Variants in NTRK3 observed in about 807,000 individuals in gnomAD.
NTRK3 encodes the protein neurotrophic receptor tyrosine kinase 3, also known as NT-3 growth factor receptor.
NTRK3 carries 24 observed loss-of-function variants against 91.7 expected under a neutral mutation model. The ratio of observed to expected loss-of-function variants is 0.26; its 90% CI spans 0.19 to 0.37. NTRK3 has a LOEUF of 0.37. Ranked by LOEUF, NTRK3 falls within the 10% of genes least tolerant of loss-of-function variation. The pLI, the probability that NTRK3 is intolerant of heterozygous loss-of-function variation, is 1.00. For synonymous variants in NTRK3, 483 were observed against 404.0 expected (o/e 1.20, Z -2.34); for missense variants, 880 against 1,068.9 (o/e 0.82, Z 2.46).
intron 17 of NTRK3, among the ~76,000 whole-genome samples, chr15:87,911,256 C>T (rs2067073538): frequency 6.6e-6 from 1 of 152,130 alleles, no homozygotes; most frequent in South Asian, 2.1e-4. Flanking sequence ...TTGATAGCAT[C>T]ATGAAAATAT....
At chr15:87,979,554 T>A (rs1596499746) in intron 14 of NTRK3, 1 of 826,202 alleles carries the variant, frequency 1.2e-6, no homozygotes. Flanking sequence ...GGAGGGGAAA[T>A]AGAGAGGGAG....
At chr15:88,096,562 C>T (rs1262869175) in intron 13 of NTRK3, among the ~76,000 whole-genome samples, 2 of 152,204 alleles carry the variant, frequency 1.3e-5, no homozygotes, top group African/African-American at 4.8e-5. Flanking sequence ...CATCCTTTTT[C>T]TTTGCCTAAG....
intron 16 of NTRK3, among the ~76,000 whole-genome samples, chr15:87,932,097 A>G (rs1257778866): frequency 6.6e-6 from 1 of 152,224 alleles, no homozygotes; most frequent in African/African-American, 2.4e-5. Flanking sequence ...TAACTCTGCA[A>G]TAGATGCTGT....
chr15:88,008,556 T>C (rs2076650398), intron 14 of NTRK3, among the ~76,000 whole-genome samples: 1 of 152,102 alleles, frequency 6.6e-6, no homozygotes. Flanking sequence ...TGCAGATTCC[T>C]GAGGACACAT....
intron 10 of NTRK3, among the ~76,000 whole-genome samples, chr15:88,133,736 C>T (rs774723089): frequency 2.6e-5 from 4 of 152,122 alleles, no homozygotes; most frequent in Non-Finnish European, 5.9e-5. Flanking sequence ...CACAGTGTGA[C>T]CCAGGAGGGG....
chr15:87,982,031 C>A (rs1027622060), intron 14 of NTRK3, among the ~76,000 whole-genome samples: 5 of 152,132 alleles, frequency 3.3e-5, no homozygotes, highest in Non-Finnish European at 7.4e-5. Flanking sequence ...GGAGACCATG[C>A]AGCATTTGTG....
At chr15:88,136,439 T>A in intron 8 of NTRK3, 28 bp downstream of exon 8, 1 of 1,614,104 alleles carries the variant, frequency 6.2e-7, no homozygotes, top group South Asian at 1.1e-5. Context: ...CCTAGCCTCC[T>A]GATGGGGCTG....
intron 5 of NTRK3, among the ~76,000 whole-genome samples, chr15:88,163,705 G>T (rs11073767): frequency 0.54 from 81,608 of 152,056 alleles, 24,098 homozygotes; most frequent in African/African-American, 0.81. Context: ...CATTCTTTTT[G>T]AGATAGTTCC....
chr15:88,034,475 A>G (rs2078892388), intron 13 of NTRK3, among the ~76,000 whole-genome samples: 1 of 152,018 alleles, frequency 6.6e-6, no homozygotes, highest in African/African-American at 2.4e-5. Flanking sequence ...TACAAATAAA[A>G]CTCCTGTAAA....
chr15:88,060,242 G>C (rs1016354846), intron 13 of NTRK3, among the ~76,000 whole-genome samples: 9 of 152,110 alleles, frequency 5.9e-5, no homozygotes, highest in African/African-American at 2.2e-4. Context: ...AAATTAGCCA[G>C]GCATGGTGGC....
At chr15:88,164,264 C>T (rs1482023681) in intron 5 of NTRK3, among the ~76,000 whole-genome samples, 1 of 152,216 alleles carries the variant, frequency 6.6e-6, no homozygotes, top group African/African-American at 2.4e-5. Context: ...CTTACCCATG[C>T]CACCTGGTCC....
chr15:88,166,818 CCA>C (rs767159947), intron 5 of NTRK3, among the ~76,000 whole-genome samples: 102 of 152,236 alleles, frequency 6.7e-4, no homozygotes, highest in Non-Finnish European at 1.2e-3. Context: ...TCTCTGAGCC[CCA>C]GAGTCCTCAT....
At chr15:88,201,748 C>T (rs1218974843) in intron 3 of NTRK3, among the ~76,000 whole-genome samples, 2 of 152,138 alleles carry the variant, frequency 1.3e-5, no homozygotes, top group African/African-American at 4.8e-5. Flanking sequence ...TACTTCAGAA[C>T]ACAGGGCCAG....
intron 14 of NTRK3, among the ~76,000 whole-genome samples, chr15:87,954,424 T>C (rs79892616): frequency 2.5e-3 from 382 of 152,330 alleles, no homozygotes; most frequent in African/African-American, 8.9e-3. Flanking sequence ...TTTGTGTCAA[T>C]TACACATGGA....
At chr15:88,042,521 G>A (rs1023356606) in intron 13 of NTRK3, among the ~76,000 whole-genome samples, 2 of 152,130 alleles carry the variant, frequency 1.3e-5, no homozygotes, top group Non-Finnish European at 2.9e-5. Context: ...GCACTTCTCC[G>A]CTCCTCTCCC....
intron 3 of NTRK3, among the ~76,000 whole-genome samples, chr15:88,209,582 C>A (rs375489586): frequency 2.0e-5 from 3 of 152,356 alleles, no homozygotes; most frequent in East Asian, 3.9e-4. Flanking sequence ...AGCAGAAAGA[C>A]CCCAGGCTGA....
chr15:87,879,810 C>T (rs2065143362), intron 18 of NTRK3, among the ~76,000 whole-genome samples: 1 of 152,090 alleles, frequency 6.6e-6, no homozygotes, highest in Non-Finnish European at 1.5e-5. Flanking sequence ...GACGTTCACA[C>T]ATGACTCTAC....
At chr15:88,249,983 T>A (rs1323422764) in intron 3 of NTRK3, among the ~76,000 whole-genome samples, 1 of 152,106 alleles carries the variant, frequency 6.6e-6, no homozygotes, top group Non-Finnish European at 1.5e-5. Flanking sequence ...GGAAAAAAAC[T>A]TCCTAGATGA....
At chr15:88,158,979 A>G (rs2044181973) in intron 5 of NTRK3, among the ~76,000 whole-genome samples, 1 of 152,232 alleles carries the variant, frequency 6.6e-6, no homozygotes, top group Non-Finnish European at 1.5e-5. Context: ...CAAGGGATAG[A>G]GAGGGAGAAG....
Sources: allele counts gnomAD v4.1 joint callset (sites outside exome capture counted in the v4.1 genomes callset), GRCh38; gene constraint gnomAD v4.1.1; transcripts MANE v1.5; gene names NCBI Gene and HGNC (gene_info 2026-07-23, HGNC 2026-07-21).